Variants in PCCA observed in about 807,000 individuals in gnomAD.
PCCA encodes the protein propionyl-CoA carboxylase subunit alpha.
A neutral mutation model predicts 101.3 loss-of-function variants in PCCA; 74 were observed. That is an observed-to-expected ratio of 0.73 (90% confidence interval 0.61 to 0.89). PCCA has a LOEUF of 0.89. PCCA is among the 40% of genes least tolerant of loss of function. The probability of loss-of-function intolerance (pLI) is 0.00; values close to 1 mark genes in which losing one functional copy is unlikely to be tolerated. For synonymous variants in PCCA, 294 were observed against 313.6 expected (o/e 0.94, Z 0.66); for missense variants, 891 against 907.0 (o/e 0.98, Z 0.23).
At chr13:100,432,851 A>G (rs1199835808) in intron 20 of PCCA, among the ~76,000 whole-genome samples, 1 of 152,146 alleles carries the variant, frequency 6.6e-6, no homozygotes, top group Non-Finnish European at 1.5e-5. Context: ...GAATTTGACT[A>G]CTGTGGGTAT....
At chr13:100,441,371 T>C (rs2080353026) in intron 20 of PCCA, among the ~76,000 whole-genome samples, 1 of 152,220 alleles carries the variant, frequency 6.6e-6, no homozygotes, top group Non-Finnish European at 1.5e-5. Flanking sequence ...TTACTATTTC[T>C]TCCTCTTACT....
intron 21 of PCCA, among the ~76,000 whole-genome samples, chr13:100,506,925 C>G (rs2086126748): frequency 6.6e-6 from 1 of 152,154 alleles, no homozygotes; most frequent in Non-Finnish European, 1.5e-5. Context: ...GAGAACACTT[C>G]ATTGTACCCC....
chr13:100,205,935 C>T (rs951290685), intron 6 of PCCA, among the ~76,000 whole-genome samples: 12 of 152,036 alleles, frequency 7.9e-5, no homozygotes, highest in South Asian at 2.1e-4. Context: ...TGTCCTGGTC[C>T]GAAATGATTC....
At chr13:100,493,867 A>G (rs1051525336) in intron 21 of PCCA, among the ~76,000 whole-genome samples, 5 of 152,276 alleles carry the variant, frequency 3.3e-5, no homozygotes, top group Non-Finnish European at 4.4e-5. Context: ...TCAATCTATC[A>G]TTCAGACATA....
chr13:100,475,972 C>A (rs1002247507), intron 21 of PCCA, among the ~76,000 whole-genome samples: 1 of 151,972 alleles, frequency 6.6e-6, no homozygotes, highest in Non-Finnish European at 1.5e-5. Flanking sequence ...CAAACTTGAC[C>A]CCCCAAAAGC....
chr13:100,324,109 T>C (rs118167689), intron 16 of PCCA, among the ~76,000 whole-genome samples: 7,632 of 152,320 alleles, frequency 0.05, 288 homozygotes, highest in Middle Eastern at 0.095. Context: ...TCTGTTTACT[T>C]TGACTTCAGC....
At chr13:100,493,327 A>C (rs891761863) in intron 21 of PCCA, among the ~76,000 whole-genome samples, 2 of 152,202 alleles carry the variant, frequency 1.3e-5, no homozygotes, top group African/African-American at 4.8e-5. Context: ...TCAGACCTTC[A>C]AAGGCCTGTT....
intron 16 of PCCA, among the ~76,000 whole-genome samples, chr13:100,320,833 C>G (rs1356358076): frequency 6.6e-6 from 1 of 152,138 alleles, no homozygotes; most frequent in Non-Finnish European, 1.5e-5. Flanking sequence ...CTCACTGCAG[C>G]CTTGAATTCC....
intron 21 of PCCA, among the ~76,000 whole-genome samples, chr13:100,497,946 G>A (rs969309612): frequency 6.6e-6 from 1 of 151,798 alleles, no homozygotes; most frequent in Non-Finnish European, 1.5e-5. Context: ...ATAACTTACT[G>A]TAAACTTCGA....
At chr13:100,234,456 A>G (rs1045132897) in intron 7 of PCCA, among the ~76,000 whole-genome samples, 2 of 151,596 alleles carry the variant, frequency 1.3e-5, no homozygotes, top group Non-Finnish European at 2.9e-5. Context: ...TCTCATTAGC[A>G]GATGTGACTG....
intron 21 of PCCA, among the ~76,000 whole-genome samples, chr13:100,452,322 T>G (rs1391975012): frequency 6.6e-6 from 1 of 152,040 alleles, no homozygotes; most frequent in Non-Finnish European, 1.5e-5. Context: ...ATCTCTTGTT[T>G]GGAGGATGGC....
At position 100,449,302 on chromosome 13, in the gene PCCA, A is replaced by G. The variant is rs61760965; in HGVS notation, c.1896A>G (p.Thr632=). Residue 632 remains threonine, a synonymous_variant, in exon 21 of 24, where the codon ACA becomes ACG. Coordinates refer to ENST00000376285, the MANE Select transcript of PCCA (RefSeq NM_000282.4). ...GGNMSIQFLG[T]VYKVNILTRL... is the part of the protein sequence containing the mutation. ...ACATGAGCATTCAGTTTCTTGGTAC[A>G]GTGGTAAGTATGAAATCATTCTTTA... 1.1e-3 allele frequency: 1,687 copies of G among 1,514,888 alleles called. 2 individuals are homozygous for G. Among genetic ancestry groups the G allele is most frequent in the Non-Finnish European group, 1.4e-3 (1,563 of 1,114,060 alleles). The allele number at this position is 1,514,888 out of a possible 1,614,324, so 93.8% of individuals were successfully genotyped here.
chr13:100,328,278 G>T (rs1176932112), intron 16 of PCCA, among the ~76,000 whole-genome samples: 1 of 151,596 alleles, frequency 6.6e-6, no homozygotes, highest in Non-Finnish European at 1.5e-5. Context: ...CAGGAGAATC[G>T]CTTGAACCTA....
In PCCA at chr13:100,174,325, T is replaced by C. The variant is rs139066294; in HGVS notation, c.468+16985T>C. 2.5e-3 allele frequency among the ~76,000 whole-genome samples: 387 copies of C among 151,846 alleles called. 4 individuals carry two copies. The highest frequency in any genetic ancestry group is 9.0e-3 in the African/African-American group (374 of 41,374). ...AAAGCTCGAGTTTCACTGTGAACCATTGTATGGAAAACTTAAATGTAGCCA... is the reference window on the plus strand; with the variant it reads ...AAAGCTCGAGTTTCACTGTGAACCACTGTATGGAAAACTTAAATGTAGCCA... On this transcript the variant is annotated intron_variant, in intron 6 of 23. Coordinates refer to ENST00000376285, the MANE Select transcript of PCCA (RefSeq NM_000282.4).
chr13:100,289,885 C>A (rs2064995480), intron 12 of PCCA, among the ~76,000 whole-genome samples: 1 of 152,104 alleles, frequency 6.6e-6, no homozygotes, highest in Non-Finnish European at 1.5e-5. Context: ...ATATCTTCAG[C>A]TTTCTTTTTT....
intron 11 of PCCA, among the ~76,000 whole-genome samples, chr13:100,269,635 C>T (rs1416868322): frequency 6.6e-6 from 1 of 152,126 alleles, no homozygotes; most frequent in Non-Finnish European, 1.5e-5. Flanking sequence ...TCTTAAAAAT[C>T]CTCAGGTGAG....
chr13:100,126,127 G>C (rs1050211136), intron 4 of PCCA, among the ~76,000 whole-genome samples: 1 of 152,186 alleles, frequency 6.6e-6, no homozygotes, highest in Non-Finnish European at 1.5e-5. Flanking sequence ...CTGTCAGGTT[G>C]TGTATTTAAA....
intron 1 of PCCA, 128 bp from the exon 2 acceptor site, chr13:100,102,755 T>C (rs1051888791): frequency 4.4e-6 from 3 of 683,472 alleles, no homozygotes; most frequent in Non-Finnish European, 8.0e-6. Flanking sequence ...ATATTTATGG[T>C]ATATTGCCTA....
chr13:100,321,107 A>G (rs568629505), intron 16 of PCCA, among the ~76,000 whole-genome samples: 2 of 152,238 alleles, frequency 1.3e-5, no homozygotes, highest in African/African-American at 4.8e-5. Flanking sequence ...TTTCCTTCCC[A>G]GCCAGGAAAA....
Sources: gnomAD v4.1 joint callset for allele counts (sites outside exome capture counted in the v4.1 genomes callset) on GRCh38, gnomAD v4.1.1 for gene constraint, MANE v1.5 for transcripts, NCBI Gene and HGNC (gene_info 2026-07-23, HGNC 2026-07-21) for gene names.